WWTR1: variants seen among roughly 807,000 people sequenced by gnomAD.
WWTR1 encodes the protein WW domain containing transcription regulator 1, also known as WW domain-containing transcription regulator protein 1.
In WWTR1, 13 loss-of-function variants were observed where a neutral mutation model predicts 40.1. That is an observed-to-expected ratio of 0.32 (90% CI 0.21 to 0.52). The LOEUF (loss-of-function observed/expected upper bound fraction) is 0.52. WWTR1 is among the 20% of genes least tolerant of loss of function. The pLI, the probability that WWTR1 is intolerant of heterozygous loss-of-function variation, is 0.97. For missense variants in WWTR1, 436 were observed against 523.1 expected (o/e 0.83, Z 1.63); for synonymous variants, 230 against 210.1 (o/e 1.09, Z -0.82).
At chr3:149,654,951 G>A (rs893683705) in intron 2 of WWTR1, among the ~76,000 whole-genome samples, 1 of 148,424 alleles carries the variant, frequency 6.7e-6, no homozygotes, top group Non-Finnish European at 1.5e-5. Flanking sequence ...TTGAAACCCC[G>A]TCTCTACTAA....
intron 1 of WWTR1, among the ~76,000 whole-genome samples, chr3:149,675,151 T>G (rs1214868468): frequency 6.6e-6 from 1 of 152,212 alleles, no homozygotes; most frequent in Admixed American, 6.5e-5. Flanking sequence ...TATTTGGGTA[T>G]CTACACATCA....
chr3:149,696,952 T>A (rs893719059), intron 1 of WWTR1, among the ~76,000 whole-genome samples: 2 of 152,128 alleles, frequency 1.3e-5, no homozygotes, highest in African/African-American at 4.8e-5. Flanking sequence ...TCCTCTAACA[T>A]TTTCCCCTTC....
At chr3:149,597,022 A>T (rs1739029604) in intron 2 of WWTR1, among the ~76,000 whole-genome samples, 1 of 152,238 alleles carries the variant, frequency 6.6e-6, no homozygotes, top group African/African-American at 2.4e-5. Context: ...GGACACAATG[A>T]TCTACTCCAT....
intron 2 of WWTR1, among the ~76,000 whole-genome samples, chr3:149,583,119 C>G (rs1007988024): frequency 2.0e-5 from 3 of 152,128 alleles, no homozygotes; most frequent in African/African-American, 7.2e-5. Flanking sequence ...GCGTGTGCCA[C>G]CACACCTGAC....
chr3:149,520,808 C>G lies in WWTR1; in HGVS notation c.1200G>C (p.Leu400=). The G allele has an allele frequency of 1.9e-6, 3 of 1,583,280 alleles. No individual in the cohort carries two copies. The highest frequency in any genetic ancestry group is 2.6e-6 in the Non-Finnish European group (3 of 1,167,914). The change falls in exon 7 of 7, where the codon CTG becomes CTC. Residue 400 remains leucine (L), a synonymous_variant. Coordinates refer to ENST00000360632, the MANE Select transcript of WWTR1 (RefSeq NM_015472.6). ...ATCCAAGTTACAATGGTAGTGATTACAGCCAGGTTAGAAAGGGCTCACTTT... is the reference window on the plus strand; with the variant it reads ...ATCCAAGTTACAATGGTAGTGATTAGAGCCAGGTTAGAAAGGGCTCACTTT... ...LNKSEPFLTW[L]
At chr3:149,608,386 A>T (rs1200571931) in intron 2 of WWTR1, among the ~76,000 whole-genome samples, 1 of 151,024 alleles carries the variant, frequency 6.6e-6, no homozygotes, top group Admixed American at 6.6e-5. Context: ...ACAAATATCT[A>T]AATTTTTTTT....
chr3:149,563,950 C>T (rs961279865), intron 3 of WWTR1, among the ~76,000 whole-genome samples: 3 of 152,136 alleles, frequency 2.0e-5, no homozygotes, highest in African/African-American at 4.8e-5. Flanking sequence ...GACGGGGTTT[C>T]GCCATGTTGG....
At chr3:149,721,308 T>C (rs1437560165) in intron 4 of WWTR1, among the ~76,000 whole-genome samples, 2 of 152,216 alleles carry the variant, frequency 1.3e-5, no homozygotes, top group Non-Finnish European at 2.9e-5. Flanking sequence ...ATTTTTACCA[T>C]GAAAGGATGT....
intron 1 of WWTR1, chr3:149,701,456 C>T (rs546130477): frequency 1.6e-4 from 30 of 184,658 alleles, no homozygotes; most frequent in Non-Finnish European, 2.8e-4. Context: ...TCCCATTCTC[C>T]ACCGGCAGCT....
chr3:149,627,254 G>A (rs1257602618), intron 2 of WWTR1, among the ~76,000 whole-genome samples: 1 of 152,038 alleles, frequency 6.6e-6, no homozygotes, highest in African/African-American at 2.4e-5. Flanking sequence ...TATTGTTAAG[G>A]TAAACCCATG....
chr3:149,609,599 A>G (rs1044032627), intron 2 of WWTR1, among the ~76,000 whole-genome samples: 1 of 152,232 alleles, frequency 6.6e-6, no homozygotes, highest in African/African-American at 2.4e-5. Flanking sequence ...CTGCTCTCAT[A>G]CCACAACAGC....
intron 2 of WWTR1, among the ~76,000 whole-genome samples, chr3:149,581,864 CTT>C (rs1420204792): frequency 6.6e-6 from 1 of 152,178 alleles, no homozygotes. Context: ...GCACCACCGA[CTT>C]TTCTGCAGAC....
intron 1 of WWTR1, among the ~76,000 whole-genome samples, chr3:149,698,320 G>C (rs953111942): frequency 6.6e-6 from 1 of 152,124 alleles, no homozygotes; most frequent in South Asian, 2.1e-4. Flanking sequence ...TTTTCTAAGG[G>C]GCTTCCTCCT....
At chr3:149,579,518 A>G (rs1305242711) in intron 2 of WWTR1, among the ~76,000 whole-genome samples, 1 of 123,532 alleles carries the variant, frequency 8.1e-6, no homozygotes, top group Non-Finnish European at 1.7e-5. Flanking sequence ...GAAATGTTCC[A>G]CAGATAATGC....
At chr3:149,684,385 G>C (rs1042225696) in intron 1 of WWTR1, among the ~76,000 whole-genome samples, 8 of 152,002 alleles carry the variant, frequency 5.3e-5, no homozygotes, top group African/African-American at 1.9e-4. Context: ...GCTGGGACAC[G>C]GGTGGGAAGG....
At chr3:149,549,127 C>A (rs1183941821) in intron 3 of WWTR1, among the ~76,000 whole-genome samples, 1 of 152,138 alleles carries the variant, frequency 6.6e-6, no homozygotes, top group African/African-American at 2.4e-5. Flanking sequence ...GTAGACACAC[C>A]ATGCTCAAAG....
intron 3 of WWTR1, among the ~76,000 whole-genome samples, chr3:149,557,800 C>T (rs898426773): frequency 6.6e-6 from 1 of 151,650 alleles, no homozygotes; most frequent in Non-Finnish European, 1.5e-5. Flanking sequence ...GTCAGGAGTT[C>T]AAGACCAGCC....
At chr3:149,625,054 C>A (rs1445929469) in intron 2 of WWTR1, among the ~76,000 whole-genome samples, 1 of 150,100 alleles carries the variant, frequency 6.7e-6, no homozygotes, top group East Asian at 2.0e-4. Context: ...TACAGAAAGT[C>A]CTTTTTCAGG....
At chr3:149,706,623 C>T (rs34127273), upstream of WWTR1, among the ~76,000 whole-genome samples, 12,951 of 152,188 alleles carry the variant, frequency 0.085, 663 homozygotes, top group African/African-American at 0.13. Flanking sequence ...CTGGCCAACA[C>T]TGACTTCTTA....
Sources: allele counts gnomAD v4.1 joint callset (sites outside exome capture counted in the v4.1 genomes callset), GRCh38; gene constraint gnomAD v4.1.1; transcripts MANE v1.5; gene names NCBI Gene and HGNC (gene_info 2026-07-23, HGNC 2026-07-21).